The following RASA3 variants were observed in gnomAD, a reference collection of about 807,000 sequenced individuals.
RASA3 encodes RAS p21 protein activator 3.
RASA3 carries 73 observed loss-of-function variants against 110.0 expected under a neutral mutation model. That is an observed-to-expected ratio of 0.66 (90% CI 0.55 to 0.81). The LOEUF is 0.81. RASA3 is among the 30% of genes least tolerant of loss of function. The pLI, the probability that RASA3 is intolerant of heterozygous loss-of-function variation, is 0.00. For synonymous variants in RASA3, 500 were observed against 451.4 expected (o/e 1.11, Z -1.37); for missense variants, 976 against 1,113.2 (o/e 0.88, Z 1.75).
At chr13:113,979,582 C>A (rs1277772134) in intron 23 of RASA3, among the ~76,000 whole-genome samples, 160 bp from the exon 24 acceptor site, 9 of 152,244 alleles carry the variant, frequency 5.9e-5, no homozygotes. Flanking sequence ...CCCGGAAGCA[C>A]CCACGGTGAC....
intron 20 of RASA3, among the ~76,000 whole-genome samples, chr13:113,999,310 C>T (rs61971827): frequency 8.0e-4 from 122 of 152,302 alleles, no homozygotes; most frequent in Non-Finnish European, 1.3e-3. Flanking sequence ...GGGGACCCTG[C>T]GGGGGACGCC....
At chr13:114,036,827 G>A (rs1248882767) in intron 4 of RASA3, among the ~76,000 whole-genome samples, 3 of 152,132 alleles carry the variant, frequency 2.0e-5, no homozygotes, top group Non-Finnish European at 2.9e-5. Flanking sequence ...ATGAGCCACC[G>A]CGCCCAGCCT....
intron 1 of RASA3, among the ~76,000 whole-genome samples, chr13:114,075,383 T>C (rs961111515): frequency 1.3e-5 from 2 of 152,270 alleles, no homozygotes; most frequent in African/African-American, 4.8e-5. Flanking sequence ...TAAAGACTTT[T>C]CATCCACAAT....
intron 7 of RASA3, among the ~76,000 whole-genome samples, chr13:114,025,840 C>T (rs972897818): frequency 3.9e-5 from 6 of 152,228 alleles, no homozygotes; most frequent in Non-Finnish European, 7.3e-5. Context: ...GACCACAGCC[C>T]GCGGGGGATG....
At chr13:114,021,586 T>G (rs1029606455) in intron 8 of RASA3, 78 bp from the exon 9 acceptor site, 6 of 1,190,618 alleles carry the variant, frequency 5.0e-6, no homozygotes, top group Non-Finnish European at 6.1e-6. Flanking sequence ...CACGCTTTGT[T>G]CCCCCAGGAG....
At chr13:114,111,615 C>T (rs12876358) in intron 1 of RASA3, among the ~76,000 whole-genome samples, 9,093 of 55,918 alleles carry the variant, frequency 0.16, 569 homozygotes, top group Admixed American at 0.26. Context: ...AGCTGCAGGC[C>T]GAGTTCTAAC....
At chr13:113,997,785 T>C (rs1268891177) in intron 20 of RASA3, among the ~76,000 whole-genome samples, 2 of 152,148 alleles carry the variant, frequency 1.3e-5, no homozygotes, top group African/African-American at 4.8e-5. Context: ...TGGCCTTCTC[T>C]AGGGGACGGG....
intron 16 of RASA3, among the ~76,000 whole-genome samples, 187 bp downstream of exon 16, chr13:114,010,984 G>A (rs1056550986): frequency 6.6e-6 from 1 of 152,134 alleles, no homozygotes; most frequent in Admixed American, 6.5e-5. Context: ...TTCACTTTAG[G>A]AGGGGAGAGG....
intron 3 of RASA3, among the ~76,000 whole-genome samples, chr13:114,049,278 C>T (rs1371478401): frequency 6.6e-6 from 1 of 152,048 alleles, no homozygotes; most frequent in Admixed American, 6.5e-5. Context: ...GTTTCATGCC[C>T]GGTAACAACA....
At chr13:114,052,855 C>T (rs868042814) in intron 2 of RASA3, among the ~76,000 whole-genome samples, 3 of 116,418 alleles carry the variant, frequency 2.6e-5, no homozygotes, top group African/African-American at 3.6e-5. Context: ...GTAGAGTCCT[C>T]GCTCCTGGGG....
At chr13:114,000,507 G>A (rs1351724775) in intron 19 of RASA3, among the ~76,000 whole-genome samples, 5 of 152,178 alleles carry the variant, frequency 3.3e-5, no homozygotes, top group African/African-American at 4.8e-5. Flanking sequence ...TCGGCGGAGC[G>A]GCACCCTGGC....
At position 114,014,280 on chromosome 13, in the gene RASA3, T is replaced by C. The variant is rs2053740792; in HGVS notation, c.1405+929A>G. ...GGGTGAGAGGATGTGTTTTATCTCT[T>C]CACTTCCACCTTGTTCAAAGTGGGT... On this transcript the variant is annotated intron_variant, in intron 14 of 23. Transcript: ENST00000334062. The surrounding 1 kb of genome is among the most constrained non-coding windows in gnomAD (Gnocchi z 4.5). Among the ~76,000 whole-genome samples the C allele has an allele frequency of 6.6e-6, 1 of 152,204 alleles. No individual in the cohort carries two copies.
intron 1 of RASA3, among the ~76,000 whole-genome samples, chr13:114,100,238 T>C (rs999862788): frequency 1.3e-5 from 2 of 151,788 alleles, no homozygotes; most frequent in Non-Finnish European, 2.9e-5. Flanking sequence ...GGCGCGCCGA[T>C]GTGGATGCCT....
chr13:113,983,572 C>T (rs2052983981), intron 22 of RASA3, among the ~76,000 whole-genome samples: 1 of 91,570 alleles, frequency 1.1e-5, no homozygotes, highest in East Asian at 3.3e-4. Context: ...ACCCATATCT[C>T]AAAAAAAATG....
chr13:114,124,153 G>A (rs756701914), intron 1 of RASA3, among the ~76,000 whole-genome samples: 24 of 152,310 alleles, frequency 1.6e-4, no homozygotes, highest in Non-Finnish European at 2.5e-4. Context: ...TACCAGCAGG[G>A]CACTGACTGT....
intron 23 of RASA3, among the ~76,000 whole-genome samples, chr13:113,980,011 A>G (rs1338236110): frequency 7.6e-5 from 9 of 117,992 alleles, no homozygotes; most frequent in African/African-American, 3.0e-4. Flanking sequence ...CCGTGTGTAC[A>G]CCTCCCACGT....
At chr13:114,127,469 C>T (rs2080466173) in intron 1 of RASA3, among the ~76,000 whole-genome samples, 1 of 152,230 alleles carries the variant, frequency 6.6e-6, no homozygotes, top group Non-Finnish European at 1.5e-5. Flanking sequence ...CCACTGTCCA[C>T]CCACACAGAC....
At chr13:114,051,534 C>A (rs2079146601) in intron 3 of RASA3, among the ~76,000 whole-genome samples, 2 of 152,236 alleles carry the variant, frequency 1.3e-5, no homozygotes, top group Admixed American at 6.5e-5. Context: ...CATGAGCTTT[C>A]TCCAAGAGCA....
Position 114,057,823 on chromosome 13 carries a change from C to T in RASA3, c.174-5668G>A, listed in dbSNP as rs371224272. Reference sequence around the variant, plus strand: ...GCACCTCTGGCCAGGGCGCTCAGCACGAGGGGACCCAGAACAATGGCTTCC... The same window carrying T: ...GCACCTCTGGCCAGGGCGCTCAGCATGAGGGGACCCAGAACAATGGCTTCC... On this transcript the variant is annotated intron_variant, in intron 2 of 23. Transcript: ENST00000334062. This position sits in a 1 kb window ranked among gnomAD's most constrained non-coding sequence, Gnocchi z 5.0. Among the ~76,000 whole-genome samples the T allele has an allele frequency of 5.3e-5, 8 of 152,314 alleles. No individual in the cohort carries two copies. The highest frequency in any genetic ancestry group is 1.9e-4 in the African/African-American group (8 of 41,556).
Sources: gnomAD v4.1 joint callset for allele counts (sites outside exome capture counted in the v4.1 genomes callset) on GRCh38, gnomAD v4.1.1 for gene constraint, Gnocchi (gnomAD v3.1) non-coding constraint, MANE v1.5 for transcripts, NCBI Gene and HGNC (gene_info 2026-07-23, HGNC 2026-07-21) for gene names.